The following FBXL7 variants were observed in gnomAD, a reference collection of about 807,000 sequenced individuals.
FBXL7 encodes F-box/LRR-repeat protein 7.
A neutral mutation model predicts 38.3 loss-of-function variants in FBXL7; 12 were observed. The ratio of observed to expected loss-of-function variants is 0.31; its 90% CI spans 0.20 to 0.51. The LOEUF is 0.51. Among genes scored for constraint, FBXL7 ranks in the 20% least tolerant of loss-of-function variants. FBXL7 has a pLI of 0.98. For synonymous variants in FBXL7, 297 were observed against 300.9 expected (o/e 0.99, Z 0.13); for missense variants, 567 against 676.4 (o/e 0.84, Z 1.79).
chr5:15,515,642 T>C (rs1298484015), intron 1 of FBXL7, among the ~76,000 whole-genome samples: 1 of 152,172 alleles, frequency 6.6e-6, no homozygotes, highest in East Asian at 1.9e-4. Flanking sequence ...AGCAGATGGT[T>C]ATAGTTGTTA....
chr5:15,550,458 C>T (rs767047582), intron 1 of FBXL7, among the ~76,000 whole-genome samples: 1 of 152,042 alleles, frequency 6.6e-6, no homozygotes, highest in Non-Finnish European at 1.5e-5. Flanking sequence ...TTCTGGAAGG[C>T]GCTGTTGGGA....
chr5:15,701,352 A>G (rs1301312215), intron 2 of FBXL7, among the ~76,000 whole-genome samples: 1 of 152,226 alleles, frequency 6.6e-6, no homozygotes, highest in Non-Finnish European at 1.5e-5. Context: ...ATTAGAAAAC[A>G]TTAGATTTAA....
rs138156207 is a variant in FBXL7, at chr5:15,582,115, T to C, written c.38-33868T>C. Among the ~76,000 whole-genome samples, 508 of 152,118 alleles carry C rather than the reference T, an allele frequency of 3.3e-3. 2 individuals carry two copies. Among genetic ancestry groups the C allele is most frequent in the African/African-American group, 0.012 (485 of 41,500 alleles). On this transcript the variant is annotated intron_variant, in intron 1 of 3. Transcript: ENST00000504595. ...ACCATGCCTGGCTAATTTTTTGTGT[T>C]TTTAGTAGAGATGGGGCTTTGCCAC...
intron 2 of FBXL7, among the ~76,000 whole-genome samples, chr5:15,868,665 C>T (rs1234955795): frequency 6.6e-6 from 1 of 152,092 alleles, no homozygotes; most frequent in Non-Finnish European, 1.5e-5. Context: ...TTTTCACCTC[C>T]ACCTCATTAC....
intron 2 of FBXL7, among the ~76,000 whole-genome samples, chr5:15,920,623 C>G (rs1043290106): frequency 7.9e-5 from 12 of 151,958 alleles, no homozygotes; most frequent in Non-Finnish European, 1.3e-4. Flanking sequence ...TGGGTTCAAG[C>G]GATTCTCCTG....
At chr5:15,507,559 C>G (rs1736680281) in intron 1 of FBXL7, among the ~76,000 whole-genome samples, 1 of 152,120 alleles carries the variant, frequency 6.6e-6, no homozygotes. Context: ...CTTTGCCTGG[C>G]TTTTTGGTAG....
intron 2 of FBXL7, among the ~76,000 whole-genome samples, chr5:15,701,243 C>G (rs1743513263): frequency 6.6e-6 from 1 of 152,008 alleles, no homozygotes; most frequent in African/African-American, 2.4e-5. Context: ...GTCTCTGGGT[C>G]AAAAGTTACG....
chr5:15,858,486 C>T (rs1029521373), intron 2 of FBXL7, among the ~76,000 whole-genome samples: 3 of 152,096 alleles, frequency 2.0e-5, no homozygotes, highest in Admixed American at 2.0e-4. Flanking sequence ...GATCTGAGAA[C>T]TGGAGAATTC....
At chr5:15,603,983 A>G (rs918099827) in intron 1 of FBXL7, among the ~76,000 whole-genome samples, 4 of 152,158 alleles carry the variant, frequency 2.6e-5, no homozygotes, top group Admixed American at 2.6e-4. Flanking sequence ...CTAAAAATTC[A>G]AAAGTTAGCT....
chr5:15,687,408 C>T (rs1042144370), intron 2 of FBXL7, among the ~76,000 whole-genome samples: 2 of 152,216 alleles, frequency 1.3e-5, no homozygotes, highest in African/African-American at 2.4e-5. Flanking sequence ...CACTTAGAAC[C>T]TGCCCCTGTT....
intron 2 of FBXL7, among the ~76,000 whole-genome samples, chr5:15,692,955 C>T (rs11133821): frequency 0.68 from 103,060 of 151,936 alleles, 35,289 homozygotes; most frequent in South Asian, 0.79. Flanking sequence ...TAGTCCTATT[C>T]GGATTGGGCC....
intron 2 of FBXL7, among the ~76,000 whole-genome samples, chr5:15,925,433 A>G (rs528131038): frequency 1.6e-4 from 24 of 152,352 alleles, no homozygotes; most frequent in African/African-American, 4.6e-4. Flanking sequence ...CACATAAGCC[A>G]TTCTCAGTGT....
In FBXL7 at chr5:15,911,544, C is replaced by G. The variant is rs1014129075; in HGVS notation, c.128-16346C>G. 3.2e-5 allele frequency among the ~76,000 whole-genome samples: 4 copies of G among 124,452 alleles called. 1 individual carries two copies. Among genetic ancestry groups the G allele is most frequent in the African/African-American group, 1.8e-4 (4 of 22,412 alleles). The allele number at this position is 124,452 out of a possible 152,430, so 81.6% of individuals were successfully genotyped here. A position where few individuals can be genotyped will look rare whatever the true frequency, so the allele number is the denominator to read the frequency against. ...TCAGCTCGTCAAAATCATTCTCCAT[C>G]CAGCTTTGTTCTGTTGCTGGTGAGG... On this transcript the variant is annotated intron_variant, in intron 2 of 3. Transcript: ENST00000504595.
chr5:15,685,552 T>G (rs1742992070), intron 2 of FBXL7, among the ~76,000 whole-genome samples: 1 of 152,196 alleles, frequency 6.6e-6, no homozygotes, highest in African/African-American at 2.4e-5. Context: ...TGGTGGAATA[T>G]TCCATCTATT....
chr5:15,531,034 A>G (rs142130312), intron 1 of FBXL7, among the ~76,000 whole-genome samples: 8 of 152,370 alleles, frequency 5.3e-5, no homozygotes, highest in Non-Finnish European at 1.0e-4. Flanking sequence ...CCGTAGATCT[A>G]TAGAACATAC....
At position 15,749,442 on chromosome 5, in the gene FBXL7, C is replaced by A. The variant is rs866146376; in HGVS notation, c.127+133370C>A. Among the ~76,000 whole-genome samples, 37 of 151,756 alleles carry A rather than the reference C, an allele frequency of 2.4e-4. 1 individual carries two copies. The highest frequency in any genetic ancestry group is 8.8e-5 in the Non-Finnish European group (6 of 67,936). On this transcript the variant is annotated intron_variant, in intron 2 of 3. Transcript: ENST00000504595. ...GAGATCGAGACAATTCTGGCTAACA[C>A]GGTGAAACCCCATCTCTGTTAAAAA...
chr5:15,735,854 A>G (rs939075939), intron 2 of FBXL7, among the ~76,000 whole-genome samples: 1 of 152,194 alleles, frequency 6.6e-6, no homozygotes, highest in African/African-American at 2.4e-5. Context: ...GGTATTTTGA[A>G]TAGTGTGGTG....
chr5:15,527,237 T>G (rs1002450756), intron 1 of FBXL7, among the ~76,000 whole-genome samples: 4 of 152,232 alleles, frequency 2.6e-5, no homozygotes, highest in African/African-American at 9.6e-5. Context: ...TCAGGTATAA[T>G]AAGACTATTA....
intron 1 of FBXL7, among the ~76,000 whole-genome samples, chr5:15,548,688 C>G (rs1261420477): frequency 1.3e-5 from 2 of 152,186 alleles, no homozygotes; most frequent in Admixed American, 1.3e-4. Flanking sequence ...CTATGCCTCT[C>G]TCCAAAGGTG....
Sources: allele counts gnomAD v4.1 joint callset (sites outside exome capture counted in the v4.1 genomes callset), GRCh38; gene constraint gnomAD v4.1.1; transcripts MANE v1.5; gene names NCBI Gene and HGNC (gene_info 2026-07-23, HGNC 2026-07-21).